The following CTNNA1 variants were observed in gnomAD, a reference collection of about 807,000 sequenced individuals.
CTNNA1 encodes catenin alpha-1.
Under a neutral mutation model 98.4 loss-of-function variants are expected in CTNNA1, and 37 were observed. The observed-to-expected ratio is 0.38, with a 90% CI of 0.29 to 0.49. The LOEUF (loss-of-function observed/expected upper bound fraction) is 0.49. Among genes scored for constraint, CTNNA1 ranks in the 20% least tolerant of loss-of-function variants. CTNNA1 has a pLI of 0.95. For synonymous variants in CTNNA1, 404 were observed against 413.2 expected, an observed-to-expected ratio of 0.98 and a Z score of 0.27; for missense variants, 761 against 1,147.2, an observed-to-expected ratio of 0.66 and a Z score of 4.86.
chr5:138,906,243 C>T (rs2150152871), intron 10 of CTNNA1, among the ~76,000 whole-genome samples: 1 of 152,192 alleles, frequency 6.6e-6, no homozygotes, highest in East Asian at 1.9e-4. Context: ...GACATTTTCC[C>T]AGTGTTAGTC....
chr5:138,871,914 T>G (rs1750680687), intron 7 of CTNNA1: 1 of 152,196 alleles, frequency 6.6e-6, no homozygotes, highest in South Asian at 2.1e-4. Context: ...GCTAGCCAAT[T>G]ATTTTTAACT....
intron 1 of CTNNA1, chr5:138,761,895 A>G (rs1442343752): frequency 6.6e-6 from 1 of 152,144 alleles, no homozygotes; most frequent in Non-Finnish European, 1.5e-5. Context: ...AGCTGGGACT[A>G]CAGGCGCCTG....
intron 1 of CTNNA1, among the ~76,000 whole-genome samples, chr5:138,758,061 C>T (rs1360031099): frequency 6.6e-6 from 1 of 151,954 alleles, no homozygotes; most frequent in African/African-American, 2.4e-5. Flanking sequence ...GGCTGGAGTG[C>T]AATGGCGTGA....
intron 1 of CTNNA1, among the ~76,000 whole-genome samples, chr5:138,775,053 G>A (rs1753954605): frequency 6.6e-6 from 1 of 152,178 alleles, no homozygotes; most frequent in Admixed American, 6.5e-5. Flanking sequence ...GTTATGTGTT[G>A]TACCTGTTTA....
intron 13 of CTNNA1, among the ~76,000 whole-genome samples, chr5:138,927,392 C>A (rs957921550): frequency 6.6e-6 from 1 of 152,174 alleles, no homozygotes; most frequent in African/African-American, 2.4e-5. Context: ...GTGAGCTAAG[C>A]CCCCCTTCTG....
intron 7 of CTNNA1, among the ~76,000 whole-genome samples, chr5:138,839,306 T>A (rs1762072986): frequency 6.6e-6 from 1 of 152,140 alleles, no homozygotes; most frequent in South Asian, 2.1e-4. Flanking sequence ...CTCAAGTGAT[T>A]TCTCCTGCCT....
chr5:138,889,194 G>C (rs1754794487), intron 9 of CTNNA1, among the ~76,000 whole-genome samples: 1 of 152,190 alleles, frequency 6.6e-6, no homozygotes, highest in African/African-American at 2.4e-5. Flanking sequence ...GATGCTGCCA[G>C]CCCAAGGCCT....
At chr5:138,880,771 A>G (rs1752713804) in intron 7 of CTNNA1, 1 of 296,490 alleles carries the variant, frequency 3.4e-6, no homozygotes, top group Admixed American at 4.2e-5. Flanking sequence ...AGAATCGTTC[A>G]ATTTTAGTGG....
intron 7 of CTNNA1, among the ~76,000 whole-genome samples, chr5:138,882,070 G>A (rs1182247614): frequency 6.6e-6 from 1 of 152,160 alleles, no homozygotes; most frequent in Non-Finnish European, 1.5e-5. Context: ...ATTGGTTATT[G>A]GTTTCTCATT....
chr5:138,879,720 A>T (rs1581427374), intron 7 of CTNNA1, among the ~76,000 whole-genome samples: 1 of 152,254 alleles, frequency 6.6e-6, no homozygotes, highest in East Asian at 1.9e-4. Context: ...GGCCTCCCAA[A>T]GTTTCTGGGA....
At chr5:138,877,533 C>T (rs981631907) in intron 7 of CTNNA1, among the ~76,000 whole-genome samples, 40 of 151,926 alleles carry the variant, frequency 2.6e-4, no homozygotes, top group African/African-American at 8.4e-4. Context: ...CTGCAAGCTC[C>T]GCTTCCCGGG....
At chr5:138,848,261 C>G (rs1317366294) in intron 7 of CTNNA1, among the ~76,000 whole-genome samples, 2 of 152,260 alleles carry the variant, frequency 1.3e-5, no homozygotes, top group African/African-American at 4.8e-5. Context: ...GGTGCCTATG[C>G]ACCCATCATG....
At chr5:138,756,260 C>G (rs556510899) in intron 1 of CTNNA1, among the ~76,000 whole-genome samples, 35 of 152,100 alleles carry the variant, frequency 2.3e-4, no homozygotes, top group African/African-American at 7.7e-4. Flanking sequence ...TGGTCTCAAA[C>G]TCCTGACCTC....
chr5:138,864,558 G>A (rs1202072616), intron 7 of CTNNA1, among the ~76,000 whole-genome samples: 1 of 152,078 alleles, frequency 6.6e-6, no homozygotes, highest in Non-Finnish European at 1.5e-5. Context: ...GATCATCCTT[G>A]CTTTAAAGTT....
At chr5:138,825,482 G>GTTTTGTTTTTTTTTTTTTTTTT (rs1760581190) in intron 6 of CTNNA1, among the ~76,000 whole-genome samples, 3 of 74,114 alleles carry the variant, frequency 4.0e-5, no homozygotes, top group African/African-American at 1.7e-4. Context: ...AGCAGTATAA[G>GTTTTGTTTTTTTTTTTTTTTTT]TTTTTTTTTT....
rs1760853984 is a variant in CTNNA1, at chr5:138,827,644, C to T, written c.988C>T (p.Arg330Cys). The T allele has an allele frequency of 1.2e-6, 2 of 1,614,204 alleles. No homozygotes were observed. Among genetic ancestry groups the T allele is most frequent in the Non-Finnish European group, 1.7e-6 (2 of 1,180,046 alleles). The change falls in exon 7 of 18, where the codon CGT becomes TGT. Residue 330 changes from arginine to cysteine, a missense_variant. By Grantham distance (180) the Arg-to-Cys change is radical. Coordinates refer to ENST00000302763, the MANE Select transcript of CTNNA1 (RefSeq NM_001903.5). The stretch of plus-strand genomic sequence containing the variant: ...CTCGTCCTGCACGCGTGATGACCGT[C>T]GTGAGCGAATTGTGGCAGAGTGTAA... ...ADSSCTRDDR[R>C]ERIVAECNAV...
At chr5:138,883,562 G>T (rs1466706751) in intron 7 of CTNNA1, among the ~76,000 whole-genome samples, 4 of 152,110 alleles carry the variant, frequency 2.6e-5, no homozygotes, top group Non-Finnish European at 5.9e-5. Flanking sequence ...TCAAGGATTT[G>T]GTTTTACATA....
chr5:138,880,882 G>A (rs1752742675), intron 7 of CTNNA1: 1 of 350,788 alleles, frequency 2.9e-6, no homozygotes, highest in Non-Finnish European at 5.7e-6. Flanking sequence ...CATCATCTGA[G>A]AACCCTCTTA....
At chr5:138,768,953 C>T (rs1016287976) in intron 1 of CTNNA1, among the ~76,000 whole-genome samples, 2 of 152,026 alleles carry the variant, frequency 1.3e-5, no homozygotes, top group Non-Finnish European at 2.9e-5. Flanking sequence ...AGCAGGATCC[C>T]AGAACTGATA....
Sources: gnomAD v4.1 joint callset for allele counts (sites outside exome capture counted in the v4.1 genomes callset) on GRCh38, gnomAD v4.1.1 for gene constraint, MANE v1.5 for transcripts, NCBI Gene and HGNC (gene_info 2026-07-23, HGNC 2026-07-21) for gene names.